The following TIMM17B variants were observed in gnomAD, a reference collection of about 807,000 sequenced individuals.
TIMM17B encodes mitochondrial import inner membrane translocase subunit Tim17-B.
TIMM17B carries 10 observed loss-of-function variants against 15.9 expected under a neutral mutation model. That is an observed-to-expected ratio of 0.63 (90% CI 0.39 to 1.06). TIMM17B has a LOEUF of 1.06. Among genes scored for constraint, TIMM17B ranks in the 50% least tolerant of loss-of-function variants. The pLI, the probability that TIMM17B is intolerant of heterozygous loss-of-function variation, is 0.01. For missense variants in TIMM17B, 114 were observed against 152.2 expected (o/e 0.75, Z 1.32); for synonymous variants, 57 against 57.2 (o/e 1.00, Z 0.02).
intron 3 of TIMM17B, chrX:48,895,404 G>A (rs781958732): frequency 3.9e-6 from 2 of 515,046 alleles, no homozygotes; most frequent in African/African-American, 2.3e-5. Context: ...GAACAAGGTA[G>A]GTCTGCTCTC....
exon 2 of TIMM17B, chrX:48,897,732 C>T: frequency 8.3e-7 from 1 of 1,209,415 alleles, no homozygotes; most frequent in Non-Finnish European, 1.1e-6. Context: ...ACCAGGGCTC[C>T]CGAGCGTACT....
chrX:48,895,735 G>C, intron 3 of TIMM17B: 1 of 323,862 alleles, frequency 3.1e-6, no homozygotes, highest in South Asian at 1.1e-4. Flanking sequence ...GGGAGGGGAG[G>C]TGGTCAGAGA....
At chrX:48,897,841 G>A in intron 1 of TIMM17B, 73 bp from the exon 1 acceptor site, 1 of 1,134,972 alleles carries the variant, frequency 8.8e-7, no homozygotes. Context: ...GGCAGCGATT[G>A]GGTCGCTATA....
chrX:48,896,361 G>C, intron 3 of TIMM17B: 1 of 125,930 alleles, frequency 7.9e-6, no homozygotes, highest in Non-Finnish European at 1.6e-5. Context: ...TTGGGAGGCT[G>C]AGACAGGAGA....
chrX:48,894,058 G>T, intron 5 of TIMM17B, 39 bp downstream of exon 4: 1 of 1,196,817 alleles, frequency 8.4e-7, no homozygotes, highest in Non-Finnish European at 1.1e-6. Context: ...AGGCAGAACA[G>T]GGTGGAAGGG....
chrX:48,895,825 A>G (rs2063304493), intron 3 of TIMM17B: 1 of 200,794 alleles, frequency 5.0e-6, no homozygotes, highest in African/African-American at 2.9e-5. Flanking sequence ...ATTTTCCTCT[A>G]TCCGGGTTTC....
In TIMM17B at chrX:48,895,586, A is replaced by G. The variant is rs2063303266; in HGVS notation, c.127-485T>C. 6.3e-6 allele frequency: 3 copies of G among 474,362 alleles called. No individual in the cohort carries two copies. In the Admixed American group the frequency reaches 9.0e-5, roughly 14 times the overall value. 39.1% of individuals were successfully genotyped at this position (474,362 alleles called of 1,213,427 possible). Reference sequence around the variant, plus strand: ...TGAAGGAGGGGGAATCTGTGCTGAGACCTTGAGGATGACAAACTTGGGCAA... The same window carrying G: ...TGAAGGAGGGGGAATCTGTGCTGAGGCCTTGAGGATGACAAACTTGGGCAA... On this transcript the variant is annotated intron_variant, in intron 3 of 6. Coordinates refer to ENST00000376582, the Ensembl canonical transcript of TIMM17B.
intron 3 of TIMM17B, 163 bp from the exon 3 acceptor site, chrX:48,895,264 G>A: frequency 2.0e-6 from 1 of 493,716 alleles, no homozygotes; most frequent in South Asian, 2.8e-5. Context: ...GCCCCAACAT[G>A]GGTGTTCTCA....
At chrX:48,896,415 G>A (rs781987101) in intron 3 of TIMM17B, 10 of 155,901 alleles carry the variant, frequency 6.4e-5, no homozygotes, top group South Asian at 3.3e-4. Flanking sequence ...AGCCAAGAGC[G>A]TGCCACTGCA....
chrX:48,897,887 A>G (rs782031550), intron 1 of TIMM17B, 119 bp from the exon 1 acceptor site: 50 of 988,707 alleles, frequency 5.1e-5, no homozygotes, highest in Non-Finnish European at 5.8e-5. Flanking sequence ...CTCATTGGCC[A>G]ATCGAGTTTC....
chrX:48,894,087 G>A lies in TIMM17B; in HGVS notation c.319+10C>T, dbSNP rs782702466. On this transcript the variant is annotated intron_variant, in intron 5 of 6. Transcript: ENST00000376582. ...GGAAGGGGCTGGGGCCAGGGCCAGG[G>A]GTCACTCACTGCGGGCAGCCAGCAC... 5 of 1,198,010 alleles carry A rather than the reference G, an allele frequency of 4.2e-6. No homozygotes were observed. Among genetic ancestry groups the A allele is most frequent in the East Asian group, 3.0e-5 (1 of 33,136 alleles).
In TIMM17B at chrX:48,895,527, T is replaced by C. The variant is rs1299076139; in HGVS notation, c.127-426A>G. 5.9e-6 allele frequency: 3 copies of C among 510,360 alleles called. No individual in the cohort carries two copies. In the African/African-American group the frequency reaches 7.0e-5, roughly 12 times the overall value. The allele number at this position is 510,360 out of a possible 1,213,427, so 42.1% of individuals were successfully genotyped here. On this transcript the variant is annotated intron_variant, in intron 3 of 6. Transcript: ENST00000376582. ...CTGTAGAGGAAATGCCATGAAGAAA[T>C]ATGACTGGGGCTGAGGGGTCAGGAA...
chrX:48,894,166 G>A (rs2147435613), exon 5 of TIMM17B: 1 of 1,206,699 alleles, frequency 8.3e-7, no homozygotes, highest in Non-Finnish European at 1.1e-6. Context: ...TCCTTGCCCC[G>A]AAGCCGCACC....
At chrX:48,893,716 G>A (rs781953755) in exon 7 of TIMM17B, 9 of 1,142,554 alleles carry the variant, frequency 7.9e-6, no homozygotes, top group Non-Finnish European at 9.3e-6. Flanking sequence ...CTCCCATGGT[G>A]GCAGTGGCTT....
chrX:48,896,959 G>A, intron 2 of TIMM17B, 101 bp from the exon 2 acceptor site: 2 of 1,156,552 alleles, frequency 1.7e-6, no homozygotes, highest in Non-Finnish European at 2.3e-6. Context: ...ACCAGAATGG[G>A]AAGTTCCTAA....
At position 48,894,083 on chromosome X, in the gene TIMM17B, C is replaced by A; in HGVS notation, c.319+14G>T. On this transcript the variant is annotated intron_variant, in intron 5 of 6. Transcript: ENST00000376582. ...GGGTGGAAGGGGCTGGGGCCAGGGC[C>A]AGGGGTCACTCACTGCGGGCAGCCA... is the stretch of plus-strand genomic sequence containing the variant. 8.3e-7 allele frequency: 1 copy of A among 1,197,766 alleles called. No homozygotes were observed. Among genetic ancestry groups the A allele is most frequent in the Non-Finnish European group, 1.1e-6 (1 of 887,917 alleles).
intron 3 of TIMM17B, chrX:48,895,571 G>A (rs782148031): frequency 3.1e-5 from 15 of 491,727 alleles, no homozygotes; most frequent in Admixed American, 1.4e-4. Flanking sequence ...TGAAGGAGGG[G>A]GAATCTGTGC....
At chrX:48,894,816 C>G (rs1470623764) in intron 4 of TIMM17B, among the ~76,000 whole-genome samples, 1 of 111,530 alleles carries the variant, frequency 9.0e-6, no homozygotes, top group Non-Finnish European at 1.9e-5. Flanking sequence ...GGTTAAGCCA[C>G]TAGCCCAAGG....
chrX:48,894,938 G>T, intron 4 of TIMM17B, 100 bp downstream of exon 3: 1 of 689,162 alleles, frequency 1.5e-6, no homozygotes, highest in Non-Finnish European at 2.3e-6. Context: ...TCTGGCAGGG[G>T]CTAGAATCTG....
Sources: gnomAD v4.1 joint callset for allele counts (sites outside exome capture counted in the v4.1 genomes callset) on GRCh38, gnomAD v4.1.1 for gene constraint, MANE v1.5 for transcripts, NCBI Gene and HGNC (gene_info 2026-07-23, HGNC 2026-07-21) for gene names.